Variants in CLRN3 observed in about 807,000 individuals in gnomAD.
CLRN3 encodes clarin 3.
Under a neutral mutation model 16.7 loss-of-function variants are expected in CLRN3, and 12 were observed. That is an observed-to-expected ratio of 0.72 (90% CI 0.46 to 1.16). The LOEUF (loss-of-function observed/expected upper bound fraction) is 1.16, where lower values mean the gene tolerates loss of function less well. Ranked by LOEUF, CLRN3 falls within the 50% of genes most tolerant of loss-of-function variation. The pLI is 0.00. For synonymous variants in CLRN3, 118 were observed against 113.0 expected (o/e 1.04, Z -0.28); for missense variants, 296 against 274.2 (o/e 1.08, Z -0.56).
In CLRN3 at chr10:127,878,296, T is replaced by TGAG; in HGVS notation, c.533_534insCTC (p.Gly178_Tyr179insSer). 1 of 1,614,198 alleles carries TGAG rather than the reference T, an allele frequency of 6.2e-7. No homozygotes were observed. The highest frequency in any genetic ancestry group is 8.5e-7 in the Non-Finnish European group (1 of 1,180,048). On this transcript the variant is annotated inframe_insertion, in exon 3 of 3. Coordinates refer to ENST00000368671, the MANE Select transcript of CLRN3 (RefSeq NM_152311.5). ...CGAGCAGTATGAGCCAGAACGAGTA[T>TGAG]CCGTAACTGTGGGTCGTTCCTTTAC...
chr10:127,889,389 C>T (rs1221403366), intron 1 of CLRN3, among the ~76,000 whole-genome samples: 2 of 152,048 alleles, frequency 1.3e-5, no homozygotes, highest in South Asian at 2.1e-4. Context: ...TTTGGGAGGC[C>T]GAGGTGGGTG....
At position 127,878,358 on chromosome 10, in the gene CLRN3, C is replaced by T. The variant is rs140641136; in HGVS notation, c.472G>A (p.Glu158Lys). 2.0e-5 allele frequency: 32 copies of T among 1,614,018 alleles called. No individual in the cohort carries two copies. In the African/African-American group the frequency reaches 2.3e-4, roughly 11 times the overall value. ...GGGTAAAGCATTTGGAACAACTCTT[C>T]GGAGAGTTGGTTGGACTGCGTGTTC... ...VANTQSNQLS[E>K]ELFQMLYPAT... Residue 158 changes from glutamate to lysine, a missense_variant, in exon 3 of 3, where the codon GAA (glutamate) becomes AAA (lysine). Physicochemically the swap from Glu to Lys is moderately conservative, Grantham distance 56. Transcript: ENST00000368671.
Position 127,892,904 on chromosome 10 carries a change from T to C in CLRN3, c.-120A>G, listed in dbSNP as rs1845275911. 1 of 642,932 alleles carries C rather than the reference T, an allele frequency of 1.6e-6. No individual in the cohort carries two copies. The highest frequency in any genetic ancestry group is 1.9e-5 in the South Asian group (1 of 52,212). The allele number at this position is 642,932 out of a possible 1,614,324, so 39.8% of individuals were successfully genotyped here. On this transcript the variant is annotated 5_prime_UTR_variant, in exon 1 of 3. Coordinates refer to ENST00000368671, the MANE Select transcript of CLRN3 (RefSeq NM_152311.5). ...GAGTCTAACACTTTATTGTCAAATA[T>C]AAAATCTCACTCTTCCTGAGGAAGG...
chr10:127,880,489 C>A (rs1845116736), intron 2 of CLRN3, among the ~76,000 whole-genome samples: 1 of 152,148 alleles, frequency 6.6e-6, no homozygotes, highest in Non-Finnish European at 1.5e-5. Context: ...GACCATCGGG[C>A]CCTGTGACCT....
chr10:127,887,597 A>G (rs1845210972), intron 1 of CLRN3, among the ~76,000 whole-genome samples: 1 of 152,110 alleles, frequency 6.6e-6, no homozygotes, highest in African/African-American at 2.4e-5. Flanking sequence ...TAAGGTGACA[A>G]TTCATCTTGA....
intron 1 of CLRN3, among the ~76,000 whole-genome samples, chr10:127,890,653 TGTGCTGCCAATGG>T (rs1845247606): frequency 6.6e-6 from 1 of 152,130 alleles, no homozygotes; most frequent in African/African-American, 2.4e-5. Flanking sequence ...CAGATTTGAT[TGTGCTGCCAATGG>T]TTGGTTTCTG....
At chr10:127,885,842 G>A (rs545510534) in intron 1 of CLRN3, among the ~76,000 whole-genome samples, 13 of 151,988 alleles carry the variant, frequency 8.6e-5, no homozygotes, top group Non-Finnish European at 1.6e-4. Flanking sequence ...CCCAACCTCC[G>A]CCTCCCGGGT....
chr10:127,879,964 C>G (rs1845108350), intron 2 of CLRN3, among the ~76,000 whole-genome samples: 1 of 152,122 alleles, frequency 6.6e-6, no homozygotes. Flanking sequence ...CAGTGGACAT[C>G]AAATGTATCC....
intron 1 of CLRN3, among the ~76,000 whole-genome samples, chr10:127,892,311 G>T (rs1845266192): frequency 6.6e-6 from 1 of 152,062 alleles, no homozygotes; most frequent in African/African-American, 2.4e-5. Flanking sequence ...CAACTTGGTA[G>T]GTATTATTTA....
Position 127,892,740 on chromosome 10 carries a change from G to GA in CLRN3, c.44dup (p.Thr16HisfsTer26), listed in dbSNP as rs778110517. 2.5e-6 allele frequency: 4 copies of GA among 1,613,534 alleles called. No individual in the cohort carries two copies. The East Asian group carries it at 8.9e-5, about 36-fold the overall frequency. On this transcript the variant is annotated frameshift_variant, in exon 1 of 3. Coordinates refer to ENST00000368671, the MANE Select transcript of CLRN3 (RefSeq NM_152311.5). LOFTEE classifies it high-confidence loss of function. ...TTACAATGAAGGACCCAAGGCTGGT[G>GA]AAAAAGCTTGATAAGAACATCAATG...
intron 1 of CLRN3, among the ~76,000 whole-genome samples, chr10:127,889,731 G>A (rs1231447685): frequency 1.3e-5 from 2 of 152,220 alleles, no homozygotes; most frequent in African/African-American, 2.4e-5. Context: ...AGTAATATTT[G>A]AAACGACATT....
At chr10:127,889,022 C>T (rs1332233251) in intron 1 of CLRN3, among the ~76,000 whole-genome samples, 1 of 152,200 alleles carries the variant, frequency 6.6e-6, no homozygotes, top group East Asian at 1.9e-4. Context: ...CCGCTGTAGG[C>T]AACGTGATTG....
intron 1 of CLRN3, among the ~76,000 whole-genome samples, chr10:127,892,184 C>G (rs534244103): frequency 6.6e-6 from 1 of 152,282 alleles, no homozygotes; most frequent in Non-Finnish European, 1.5e-5. Context: ...TTGTGAAGTT[C>G]TAGACAGAGG....
rs766478415 is a variant in CLRN3, at chr10:127,883,837, G to A, written c.268C>T (p.His90Tyr). The A allele has an allele frequency of 6.2e-7, 1 of 1,614,220 alleles. No individual in the cohort carries two copies. Among genetic ancestry groups the A allele is most frequent in the Non-Finnish European group, 8.5e-7 (1 of 1,180,034 alleles). ...ILNNSSQKTL[H>Y]SVTILFLVLS... ...ACCAGGAACAGGATAGTCACCGAAT[G>A]CAGAGTTTTTTGGGAAGAATTATTC... is the stretch of plus-strand genomic sequence containing the variant. Residue 90 changes from histidine to tyrosine, a missense_variant, in exon 2 of 3, where the codon CAT (histidine) becomes TAT (tyrosine). His to Tyr is a moderately conservative substitution (Grantham distance 83). Transcript: ENST00000368671.
chr10:127,892,418 A>G (rs1448847490), intron 1 of CLRN3, 138 bp downstream of exon 1: 6 of 620,586 alleles, frequency 9.7e-6, no homozygotes, highest in Non-Finnish European at 1.7e-5. Context: ...TTCCAAAATT[A>G]TGAGTTAAGC....
chr10:127,878,275 C>A lies in CLRN3; in HGVS notation c.555G>T (p.Leu185=), dbSNP rs1347966403. ...TGACTATATTTAGAAGAATGACGAGCAGTATGAGCCAGAACGAGTATCCGT... is the reference window on the plus strand; with the variant it reads ...TGACTATATTTAGAAGAATGACGAGAAGTATGAGCCAGAACGAGTATCCGT... The part of the protein sequence containing the change: ...HSYGYSFWLI[L]LVILLNIVTV... Residue 185 remains leucine (L), a synonymous_variant, in exon 3 of 3, where the codon CTG becomes CTT. Transcript: ENST00000368671. 6.2e-6 allele frequency: 10 copies of A among 1,614,114 alleles called. No individual in the cohort carries two copies. Among genetic ancestry groups the A allele is most frequent in the Non-Finnish European group, 8.5e-6 (10 of 1,180,026 alleles).
At chr10:127,882,460 T>C (rs901794645) in intron 2 of CLRN3, among the ~76,000 whole-genome samples, 1 of 152,252 alleles carries the variant, frequency 6.6e-6, no homozygotes, top group Non-Finnish European at 1.5e-5. Flanking sequence ...TCCACGTCAG[T>C]GATCTCACAT....
intron 2 of CLRN3, among the ~76,000 whole-genome samples, chr10:127,881,562 C>T (rs1845128874): frequency 1.3e-5 from 2 of 152,180 alleles, no homozygotes; most frequent in African/African-American, 4.8e-5. Context: ...CCCCACTCAC[C>T]CCTGCGGCTG....
Position 127,892,624 on chromosome 10 carries a change from C to A in CLRN3, c.161G>T (p.Gly54Val). ...ASNGSIFITYGLFRGESSEEL... is the reference protein window; with the variant it reads ...ASNGSIFITYVLFRGESSEEL... ...TTCACTACTCTCCCCACGAAAAAGT[C>A]CGTAAGTGATGAAAATGCTCCCATT... Residue 54 changes from glycine (G) to valine (V), a missense_variant, in exon 1 of 3, where the codon GGA becomes GTA. Physicochemically the swap from Gly to Val is moderately radical, Grantham distance 109. Coordinates refer to ENST00000368671, the MANE Select transcript of CLRN3 (RefSeq NM_152311.5). 6.2e-7 allele frequency: 1 copy of A among 1,613,518 alleles called. No individual in the cohort carries two copies. Among genetic ancestry groups the A allele is most frequent in the Non-Finnish European group, 8.5e-7 (1 of 1,179,450 alleles).
Sources: allele counts gnomAD v4.1 joint callset (sites outside exome capture counted in the v4.1 genomes callset), GRCh38; gene constraint gnomAD v4.1.1; transcripts MANE v1.5; gene names NCBI Gene and HGNC (gene_info 2026-07-23, HGNC 2026-07-21).